Variants in DCC observed in about 807,000 individuals in gnomAD.
DCC encodes DCC netrin 1 receptor.
DCC carries 58 observed loss-of-function variants against 172.5 expected under a neutral mutation model. The observed-to-expected ratio is 0.34, with a 90% CI of 0.27 to 0.42. The LOEUF (loss-of-function observed/expected upper bound fraction) is 0.42, where lower values mean the gene tolerates loss of function less well. Ranked by LOEUF, DCC falls within the 10% of genes least tolerant of loss-of-function variation. The pLI is 1.00. For missense variants in DCC, 1,740 were observed against 1,791.0 expected, an observed-to-expected ratio of 0.97 and a Z score of 0.51; for synonymous variants, 709 against 644.5, an observed-to-expected ratio of 1.10 and a Z score of -1.52.
At chr18:52,552,212 C>T (rs2032794891) in intron 1 of DCC, among the ~76,000 whole-genome samples, 1 of 151,934 alleles carries the variant, frequency 6.6e-6, no homozygotes, top group Admixed American at 6.6e-5. Context: ...CTACTTTTAA[C>T]ATTAGGAGGA....
intron 1 of DCC, among the ~76,000 whole-genome samples, chr18:52,662,201 A>G (rs2035372374): frequency 6.6e-6 from 1 of 152,186 alleles, no homozygotes; most frequent in East Asian, 1.9e-4. Context: ...CTAGGAATAT[A>G]CATTTCTAAC....
At chr18:53,152,651 G>A (rs892712565) in intron 7 of DCC, among the ~76,000 whole-genome samples, 10 of 152,148 alleles carry the variant, frequency 6.6e-5, no homozygotes, top group African/African-American at 7.2e-5. Context: ...AGATAAAGAA[G>A]CTGTAGCTAT....
At position 53,237,613 on chromosome 18, in the gene DCC, A is replaced by C. The variant is rs539269897; in HGVS notation, c.1911+22016A>C. ...TAGTCAGTTGTCACACTGACTAAAC[A>C]TACAATTTAGAGCGTAGTTTTAATA... On this transcript the variant is annotated intron_variant, in intron 12 of 28. Coordinates refer to ENST00000442544, the MANE Select transcript of DCC (RefSeq NM_005215.4). Among the ~76,000 whole-genome samples the C allele has an allele frequency of 5.9e-5, 9 of 152,304 alleles. 1 individual carries two copies. The South Asian group carries it at 1.9e-3, about 32-fold the overall frequency.
At chr18:52,390,618 G>A (rs796138690) in intron 1 of DCC, among the ~76,000 whole-genome samples, 2 of 152,214 alleles carry the variant, frequency 1.3e-5, no homozygotes, top group African/African-American at 4.8e-5. Flanking sequence ...AAGAAACCCA[G>A]GTTGGCATCT....
intron 1 of DCC, among the ~76,000 whole-genome samples, chr18:52,714,334 C>T (rs1033583751): frequency 1.3e-5 from 2 of 152,098 alleles, no homozygotes; most frequent in African/African-American, 4.8e-5. Context: ...TTGAAAATTT[C>T]GATGAACATT....
chr18:52,419,926 A>G (rs1162929997), intron 1 of DCC, among the ~76,000 whole-genome samples: 2 of 152,208 alleles, frequency 1.3e-5, no homozygotes, highest in African/African-American at 2.4e-5. Context: ...TCATAAAGTA[A>G]GCACTTTGTT....
intron 5 of DCC, among the ~76,000 whole-genome samples, chr18:52,958,915 A>T (rs2040793641): frequency 6.6e-6 from 1 of 152,192 alleles, no homozygotes; most frequent in Non-Finnish European, 1.5e-5. Flanking sequence ...TATGCAGCCC[A>T]GGATGGCTTT....
At chr18:52,588,065 G>A (rs1242497197) in intron 1 of DCC, among the ~76,000 whole-genome samples, 1 of 152,174 alleles carries the variant, frequency 6.6e-6, no homozygotes, top group Non-Finnish European at 1.5e-5. Flanking sequence ...GGCAGTTCAG[G>A]TTGCATGGTG....
chr18:52,881,129 C>T (rs1201474111), intron 2 of DCC, among the ~76,000 whole-genome samples: 4 of 152,094 alleles, frequency 2.6e-5, no homozygotes, highest in African/African-American at 4.8e-5. Context: ...AGCACTTTTT[C>T]ATATGCCTCT....
chr18:52,404,819 C>A (rs1041637441), intron 1 of DCC, among the ~76,000 whole-genome samples: 14 of 129,442 alleles, frequency 1.1e-4, no homozygotes, highest in African/African-American at 3.5e-4. Flanking sequence ...CCCCTCCCCC[C>A]ACCCGACAAC....
intron 12 of DCC, among the ~76,000 whole-genome samples, chr18:53,288,469 A>G (rs2056961284): frequency 6.6e-6 from 1 of 152,136 alleles, no homozygotes; most frequent in Non-Finnish European, 1.5e-5. Context: ...TGAAATAAAA[A>G]TCTTTTAAAA....
chr18:52,482,891 G>T (rs538059883), intron 1 of DCC, among the ~76,000 whole-genome samples: 1 of 152,228 alleles, frequency 6.6e-6, no homozygotes, highest in African/African-American at 2.4e-5. Flanking sequence ...TATTAGGGCT[G>T]CTGTCCTAGG....
chr18:53,096,149 G>C (rs2144199779), intron 7 of DCC, among the ~76,000 whole-genome samples: 1 of 151,914 alleles, frequency 6.6e-6, no homozygotes, highest in Non-Finnish European at 1.5e-5. Context: ...AAAACTTAAA[G>C]TATAGTAATA....
At chr18:53,131,794 A>T (rs923216451) in intron 7 of DCC, among the ~76,000 whole-genome samples, 2 of 152,076 alleles carry the variant, frequency 1.3e-5, no homozygotes, top group Admixed American at 1.3e-4. Context: ...AACTCAGAAG[A>T]GACAGAGAAA....
chr18:52,779,603 A>G (rs2037496145), intron 2 of DCC, among the ~76,000 whole-genome samples: 1 of 152,198 alleles, frequency 6.6e-6, no homozygotes, highest in East Asian at 1.9e-4. Context: ...GAATGGTGCC[A>G]TAATAAACAT....
intron 14 of DCC, among the ~76,000 whole-genome samples, chr18:53,331,307 T>C (rs2057527636): frequency 6.6e-6 from 1 of 152,180 alleles, no homozygotes. Flanking sequence ...CCTAAAGAAT[T>C]CATTTAGCAT....
At chr18:52,790,191 G>A (rs58540764) in intron 2 of DCC, among the ~76,000 whole-genome samples, 3,299 of 152,234 alleles carry the variant, frequency 0.022, 78 homozygotes, top group East Asian at 0.084. Flanking sequence ...GAAACAATAT[G>A]GAAGCCTGTA....
chr18:52,566,730 A>G (rs1049984144), intron 1 of DCC, among the ~76,000 whole-genome samples: 1 of 152,156 alleles, frequency 6.6e-6, no homozygotes, highest in Non-Finnish European at 1.5e-5. Context: ...AAGGCCTAAA[A>G]AATGACTTCA....
chr18:53,096,625 T>C (rs1226796653), intron 7 of DCC, among the ~76,000 whole-genome samples: 1 of 152,062 alleles, frequency 6.6e-6, no homozygotes, highest in African/African-American at 2.4e-5. Context: ...ATAAATATAA[T>C]GGAGGGGCTA....
Sources: gnomAD v4.1 joint callset for allele counts (sites outside exome capture counted in the v4.1 genomes callset) on GRCh38, gnomAD v4.1.1 for gene constraint, MANE v1.5 for transcripts, NCBI Gene and HGNC (gene_info 2026-07-23, HGNC 2026-07-21) for gene names.